Variants in RABL6 observed in about 807,000 individuals in gnomAD.
RABL6 encodes RAB, member RAS oncogene family like 6.
RABL6 carries 28 observed loss-of-function variants against 72.9 expected under a neutral mutation model. The ratio of observed to expected loss-of-function variants is 0.38; its 90% CI spans 0.28 to 0.53. The LOEUF (loss-of-function observed/expected upper bound fraction) is 0.53. RABL6 is among the 20% of genes least tolerant of loss of function. The pLI is 0.80. For missense variants in RABL6, 1,029 were observed against 1,008.4 expected (o/e 1.02, Z -0.28); for synonymous variants, 477 against 421.2 (o/e 1.13, Z -1.62).
In RABL6 at chr9:136,839,781, C is replaced by G; in HGVS notation, c.1846C>G (p.Leu616Val). 1 of 1,612,872 alleles carries G rather than the reference C, an allele frequency of 6.2e-7. No homozygotes were observed. Among genetic ancestry groups the G allele is most frequent in the Non-Finnish European group, 8.5e-7 (1 of 1,179,830 alleles). Residue 616 changes from leucine to valine, a missense_variant, in exon 13 of 15, where the codon CTC (leucine) becomes GTC (valine). Physicochemically the swap from Leu to Val is conservative, Grantham distance 32. This residue lies in a region of RABL6 where 595 missense variants were observed against 472.4 expected (regional missense o/e 1.26). Coordinates refer to ENST00000311502, the MANE Select transcript of RABL6 (RefSeq NM_024718.5). ...GCCGCCCCCACCCCCCAAGCTCCCT[C>G]TCCCCGCCTTCAGACTGAAGAATGA... ...AEPPPPPKLPLPAFRLKNDSD... is the reference protein window; with the variant it reads ...AEPPPPPKLPVPAFRLKNDSD...
Position 136,839,360 on chromosome 9 carries a change from G to C in RABL6, c.1632G>C (p.Pro544=), listed in dbSNP as rs377637543. 2 of 1,612,620 alleles carry C rather than the reference G, an allele frequency of 1.2e-6. No individual in the cohort carries two copies. Among genetic ancestry groups the C allele is most frequent in the South Asian group, 2.2e-5 (2 of 91,026 alleles). The stretch of plus-strand genomic sequence containing the variant: ...CCAGGCCCCCTGCTGAGATGGAGCC[G>C]GGGAAGGGTGAGCAGGCCTCCTCGT... ...SSTRPPAEME[P]GKGEQASSSE... Residue 544 remains proline, a synonymous_variant, in exon 12 of 15, where the codon CCG becomes CCC. Coordinates refer to ENST00000311502, the MANE Select transcript of RABL6 (RefSeq NM_024718.5).
intron 1 of RABL6, chr9:136,813,997 T>C: frequency 2.5e-6 from 1 of 404,358 alleles, no homozygotes; most frequent in Non-Finnish European, 4.8e-6. Context: ...ATCTTGCTCT[T>C]TCTTACTGTC....
intron 5 of RABL6, chr9:136,830,842 C>G (rs1453877796): frequency 6.6e-6 from 1 of 152,550 alleles, no homozygotes; most frequent in Non-Finnish European, 1.5e-5. Flanking sequence ...CAGGCGATGC[C>G]TATGGTAGCA....
At chr9:136,832,062 C>T in intron 6 of RABL6, 1 of 970,556 alleles carries the variant, frequency 1.0e-6, no homozygotes, top group Non-Finnish European at 1.5e-6. Context: ...AACTGTGTGC[C>T]AGGGTGAAGT....
intron 1 of RABL6, chr9:136,815,204 G>A: frequency 3.1e-6 from 1 of 326,730 alleles, no homozygotes; most frequent in South Asian, 2.7e-5. Context: ...CTTGGCTGGG[G>A]TGTCCCTTCT....
At chr9:136,839,541 C>T in intron 12 of RABL6, 55 bp downstream of exon 12, 1 of 1,572,536 alleles carries the variant, frequency 6.4e-7, no homozygotes, top group Non-Finnish European at 8.6e-7. Flanking sequence ...GTCCCTCCCA[C>T]AGGCCTGATC....
In RABL6 at chr9:136,820,200, CAAAAA is replaced by C. The variant is rs34975162; in HGVS notation, c.131-3305_131-3301del. Among the ~76,000 whole-genome samples, 13 of 77,842 alleles carry C rather than the reference CAAAAA, an allele frequency of 1.7e-4. No homozygotes were observed. In the South Asian group the frequency reaches 2.0e-3, roughly 12 times the overall value. The allele number at this position is 77,842 out of a possible 152,430, so 51.1% of individuals were successfully genotyped here. ...TGCGGCAGAGTGAGACTCCATCTTC[CAAAAA>C]AAAAAAAAAAAAAAAAAAATTAGCT... is the stretch of plus-strand genomic sequence containing the variant. On this transcript the variant is annotated intron_variant, in intron 1 of 14. Transcript: ENST00000311502.
rs1848370704 is a variant in RABL6, at chr9:136,826,888, C to T, written c.313+1062C>T. On this transcript the variant is annotated intron_variant, in intron 3 of 14. Transcript: ENST00000311502. This position sits in a 1 kb window ranked among gnomAD's most constrained non-coding sequence, Gnocchi z 4.9. ...TGCCTCCAGCTCTGGCTTCCTGGGT[C>T]TGTCCTTGGCGTGGAGCGGGCACAG... 1 of 152,532 alleles carries T rather than the reference C, an allele frequency of 6.6e-6. No individual in the cohort carries two copies. Among genetic ancestry groups the T allele is most frequent in the South Asian group, 2.1e-4 (1 of 4,828 alleles). The allele number at this position is 152,532 out of a possible 1,614,324, so 9.4% of individuals were successfully genotyped here.
intron 1 of RABL6, chr9:136,821,472 G>T (rs1192452396): frequency 3.0e-6 from 3 of 985,294 alleles, no homozygotes; most frequent in Non-Finnish European, 3.6e-6. Context: ...GACGGACGTG[G>T]ATGGCGCCGC....
chr9:136,809,934 G>A (rs1459976603), intron 1 of RABL6: 2 of 153,244 alleles, frequency 1.3e-5, no homozygotes, highest in African/African-American at 4.8e-5. Flanking sequence ...GGAAGCCTGG[G>A]GGCTCGCTGA....
chr9:136,812,886 CT>C, intron 1 of RABL6: 1 of 334,484 alleles, frequency 3.0e-6, no homozygotes, highest in Non-Finnish European at 5.9e-6. Flanking sequence ...CCACCTCATC[CT>C]CCAAAGCTTC....
At chr9:136,813,686 G>A in intron 1 of RABL6, 2 of 214,416 alleles carry the variant, frequency 9.3e-6, no homozygotes, top group South Asian at 6.6e-5. Flanking sequence ...CGTGATCTCA[G>A]CTCACTGCAA....
At chr9:136,825,100 A>G (rs1221852686) in intron 2 of RABL6, among the ~76,000 whole-genome samples, 1 of 152,186 alleles carries the variant, frequency 6.6e-6, no homozygotes, top group Non-Finnish European at 1.5e-5. Flanking sequence ...ATGGGAGCTC[A>G]GGAGGAGTGG....
Position 136,840,995 on chromosome 9 carries a change from G to T in RABL6, c.*473G>T, listed in dbSNP as rs1848687250. 1 of 1,444,972 alleles carries T rather than the reference G, an allele frequency of 6.9e-7. No individual in the cohort carries two copies. The allele number at this position is 1,444,972 out of a possible 1,614,324, so 89.5% of individuals were successfully genotyped here. ...CACGGGTGTGCAGACTCACCCTAAA[G>T]GGCGGCCCAGGCCCCACGCTAGAAG... On this transcript the variant is annotated 3_prime_UTR_variant, in exon 15 of 15. Transcript: ENST00000311502.
intron 7 of RABL6, chr9:136,835,328 T>C (rs1848565302): frequency 6.3e-6 from 1 of 158,870 alleles, no homozygotes; most frequent in Non-Finnish European, 1.4e-5. Context: ...CTTGTGGGTG[T>C]GGGACGGTGG....
chr9:136,832,087 G>A, intron 6 of RABL6, 178 bp from the exon 7 acceptor site: 2 of 879,320 alleles, frequency 2.3e-6, no homozygotes, highest in East Asian at 2.7e-5. Context: ...GCACTGTGGG[G>A]TCACCTGCAG....
chr9:136,812,868 T>G, intron 1 of RABL6: 1 of 322,544 alleles, frequency 3.1e-6, no homozygotes, highest in East Asian at 8.6e-5. Context: ...CCTTCCTGGC[T>G]TCTGCCACCA....
In RABL6 at chr9:136,823,588, G is replaced by A. The variant is rs1281982919; in HGVS notation, c.194G>A (p.Gly65Asp). The A allele has an allele frequency of 6.2e-7, 1 of 1,613,862 alleles. No individual in the cohort carries two copies. Among genetic ancestry groups the A allele is most frequent in the Admixed American group, 1.7e-5 (1 of 60,026 alleles). The change falls in exon 2 of 15, where the codon GGC becomes GAC. Residue 65 changes from glycine (G) to aspartate (D), a missense_variant. Gly to Asp is a moderately conservative substitution (Grantham distance 94). Coordinates refer to ENST00000311502, the MANE Select transcript of RABL6 (RefSeq NM_024718.5). ...ACAGCGCTGTGGCACCGCCTGCAGG[G>A]CCGGCCGTTCGTGGAGGAGTACATC... ...GKTALWHRLQGRPFVEEYIPT... is the reference protein window; with the variant it reads ...GKTALWHRLQDRPFVEEYIPT...
At chr9:136,836,608 T>C (rs1351355750) in intron 8 of RABL6, 1 of 153,606 alleles carries the variant, frequency 6.5e-6, no homozygotes, top group South Asian at 2.0e-4. Flanking sequence ...GCCCCCCGCA[T>C]GGGCGCTTCT....
Sources: allele counts gnomAD v4.1 joint callset (sites outside exome capture counted in the v4.1 genomes callset), GRCh38; gene constraint gnomAD v4.1.1; regional missense constraint gnomAD v4.1.1; non-coding constraint Gnocchi (gnomAD v3.1); transcripts MANE v1.5; gene names NCBI Gene and HGNC (gene_info 2026-07-23, HGNC 2026-07-21).